FUT8: variants seen among roughly 807,000 people sequenced by gnomAD.
The protein encoded by FUT8 is fucosyltransferase 8, also known as alpha-(1,6)-fucosyltransferase.
Under a neutral mutation model 71.3 loss-of-function variants are expected in FUT8, and 29 were observed. The ratio of observed to expected loss-of-function variants is 0.41; its 90% CI spans 0.30 to 0.55. The LOEUF is 0.55. Ranked by LOEUF, FUT8 falls within the 20% of genes least tolerant of loss-of-function variation. The pLI, the probability that FUT8 is intolerant of heterozygous loss-of-function variation, is 0.34. For synonymous variants in FUT8, 254 were observed against 239.3 expected (o/e 1.06, Z -0.57); for missense variants, 544 against 702.1 (o/e 0.77, Z 2.55).
At position 65,615,784 on chromosome 14, in the gene FUT8, GTTA is replaced by G. The variant is rs1380281338; in HGVS notation, c.204-189_204-187del. 3.9e-5 allele frequency among the ~76,000 whole-genome samples: 6 copies of G among 152,100 alleles called. No individual in the cohort carries two copies. In the East Asian group the frequency reaches 9.6e-4, roughly 24 times the overall value. ...AGTAGATTAATATTTTCTATTTTTC[GTTA>G]TTATCATTTCATTGTCCATTTCACT... is the stretch of plus-strand genomic sequence containing the variant. On this transcript the variant is annotated intron_variant, in intron 3 of 10. Transcript: ENST00000673929.
chr14:65,662,878 C>G (rs1892035281), intron 6 of FUT8, among the ~76,000 whole-genome samples: 2 of 152,134 alleles, frequency 1.3e-5, no homozygotes, highest in African/African-American at 2.4e-5. Flanking sequence ...CAAGCTCTTT[C>G]ATTAGAGAAT....
chr14:65,728,302 A>G (rs1895788046), intron 9 of FUT8, among the ~76,000 whole-genome samples: 1 of 152,244 alleles, frequency 6.6e-6, no homozygotes, highest in South Asian at 2.1e-4. Context: ...TGGGCAATTT[A>G]CAAAAGAAAG....
upstream of FUT8, among the ~76,000 whole-genome samples, chr14:65,407,919 AAAG>A (rs2065093783): frequency 1.3e-5 from 2 of 152,158 alleles, no homozygotes; most frequent in Non-Finnish European, 2.9e-5. Flanking sequence ...ATCTGGCAGG[AAAG>A]AGAGAACTCC....
At chr14:65,633,503 C>G (rs1319160332) in intron 6 of FUT8, among the ~76,000 whole-genome samples, 2 of 152,084 alleles carry the variant, frequency 1.3e-5, no homozygotes, top group African/African-American at 4.8e-5. Flanking sequence ...AGGAGCGTCT[C>G]TGCCCAGCCG....
At chr14:65,677,163 T>C (rs79588408) in intron 7 of FUT8, among the ~76,000 whole-genome samples, 50,722 of 112,772 alleles carry the variant, frequency 0.45, 10,785 homozygotes, top group Non-Finnish European at 0.52. Flanking sequence ...CGCGCGCGCA[T>C]GCGCGCGCAC....
intron 7 of FUT8, among the ~76,000 whole-genome samples, chr14:65,684,536 C>T (rs1893183898): frequency 6.6e-6 from 1 of 152,190 alleles, no homozygotes; most frequent in Non-Finnish European, 1.5e-5. Flanking sequence ...AAGCTATTAT[C>T]TGTTGTCAAG....
intron 7 of FUT8, among the ~76,000 whole-genome samples, chr14:65,717,307 G>A (rs1283875873): frequency 7.5e-6 from 1 of 134,220 alleles, no homozygotes; most frequent in Non-Finnish European, 1.6e-5. Flanking sequence ...TGGGCGGCCG[G>A]GCAGAGGCAC....
intron 2 of FUT8, among the ~76,000 whole-genome samples, chr14:65,502,772 C>T (rs767665628): frequency 1.3e-4 from 20 of 152,170 alleles, no homozygotes; most frequent in Non-Finnish European, 2.8e-4. Context: ...CTTTTTTACT[C>T]ATTCAAAAAT....
Position 65,580,690 on chromosome 14 carries a change from A to G in FUT8, c.203+18924A>G, listed in dbSNP as rs1221725106. The stretch of plus-strand genomic sequence containing the variant: ...CCCCATAATTCTGCTAACATTTAAT[A>G]TGTTACAGTGAAGACAAGACTCAAA... On this transcript the variant is annotated intron_variant, in intron 3 of 10. Coordinates refer to ENST00000673929, the MANE Select transcript of FUT8 (RefSeq NM_001371533.1). 5.3e-5 allele frequency among the ~76,000 whole-genome samples: 8 copies of G among 152,160 alleles called. No individual in the cohort carries two copies. In the South Asian group the frequency reaches 1.7e-3, roughly 32 times the overall value.
intron 2 of FUT8, among the ~76,000 whole-genome samples, chr14:65,555,006 C>A (rs920829160): frequency 2.6e-5 from 4 of 152,078 alleles, no homozygotes; most frequent in African/African-American, 9.7e-5. Context: ...GTTGGCATAG[C>A]TTTTATTCTA....
chr14:65,411,641 G>A (rs541042953), upstream of FUT8: 81 of 194,674 alleles, frequency 4.2e-4, no homozygotes, highest in Non-Finnish European at 7.7e-4. Context: ...AAGTATCCCC[G>A]GTATGTACTT....
chr14:65,733,209 A>C lies in FUT8; in HGVS notation c.1260-22A>C. The C allele has an allele frequency of 2.0e-6, 3 of 1,509,742 alleles. No homozygotes were observed. In the South Asian group the frequency reaches 3.6e-5, roughly 18 times the overall value. 93.5% of individuals were successfully genotyped at this position (1,509,742 alleles called of 1,614,324 possible). On this transcript the variant is annotated intron_variant, in intron 9 of 10. Transcript: ENST00000673929. Reference sequence around the variant, plus strand: ...GATACTGTGATATCTATGACCATCTATAAATTAATTTATTTTTTCAGGTAC... The same window carrying C: ...GATACTGTGATATCTATGACCATCTCTAAATTAATTTATTTTTTCAGGTAC...
intron 7 of FUT8, among the ~76,000 whole-genome samples, chr14:65,716,985 C>T (rs1895108931): frequency 1.3e-5 from 2 of 148,318 alleles, no homozygotes; most frequent in East Asian, 2.1e-4. Context: ...AGGTGCTCCA[C>T]ACTTCCCAGA....
chr14:65,515,591 A>G (rs1323388524), intron 2 of FUT8, among the ~76,000 whole-genome samples: 6 of 152,152 alleles, frequency 3.9e-5, no homozygotes, highest in Non-Finnish European at 7.4e-5. Context: ...ATAAACCAAT[A>G]TTAAAGTTCA....
At chr14:65,386,360 T>C in the FUT8 span, among the ~76,000 whole-genome samples, 2 of 151,476 alleles carry the variant, frequency 1.3e-5, no homozygotes, top group South Asian at 4.2e-4. Flanking sequence ...AAAAATTAGC[T>C]GGGCATGGTG....
chr14:65,536,599 T>C (rs1057377298), intron 2 of FUT8, among the ~76,000 whole-genome samples: 4 of 152,240 alleles, frequency 2.6e-5, no homozygotes, highest in African/African-American at 9.6e-5. Flanking sequence ...TTCTGACTTA[T>C]GAGGTTTCTT....
chr14:65,721,247 A>T (rs531522724), intron 7 of FUT8, among the ~76,000 whole-genome samples: 14 of 151,820 alleles, frequency 9.2e-5, no homozygotes, highest in Admixed American at 6.6e-4. Flanking sequence ...AATAGATTAA[A>T]AAAAAAAAAG....
At chr14:65,484,005 G>A (rs971121187) in intron 2 of FUT8, among the ~76,000 whole-genome samples, 1 of 152,140 alleles carries the variant, frequency 6.6e-6, no homozygotes, top group Non-Finnish European at 1.5e-5. Context: ...GGGATTAAAG[G>A]CGTGAGCCAC....
At chr14:65,423,035 G>A (rs1360961457) in intron 1 of FUT8, among the ~76,000 whole-genome samples, 1 of 148,614 alleles carries the variant, frequency 6.7e-6, no homozygotes, top group African/African-American at 2.5e-5. Flanking sequence ...ACCCAGGCTG[G>A]AGTGCAGTGG....
Sources: gnomAD v4.1 joint callset for allele counts (sites outside exome capture counted in the v4.1 genomes callset) on GRCh38, gnomAD v4.1.1 for gene constraint, MANE v1.5 for transcripts, NCBI Gene and HGNC (gene_info 2026-07-23, HGNC 2026-07-21) for gene names.